Variants in PHF14 observed in about 807,000 individuals in gnomAD.
PHF14 encodes the protein PHD finger protein 14.
In PHF14, 55 loss-of-function variants were observed where a neutral mutation model predicts 117.9. The observed-to-expected ratio is 0.47, with a 90% confidence interval of 0.38 to 0.58. The LOEUF is 0.58. Ranked by LOEUF, PHF14 falls within the 20% of genes least tolerant of loss-of-function variation. PHF14 has a pLI of 0.00. For missense variants in PHF14, 978 were observed against 1,122.2 expected (o/e 0.87, Z 1.84); for synonymous variants, 409 against 368.6 (o/e 1.11, Z -1.26).
At chr7:11,082,016 A>T (rs764443412) in intron 16 of PHF14, among the ~76,000 whole-genome samples, 2 of 152,116 alleles carry the variant, frequency 1.3e-5, no homozygotes, top group Non-Finnish European at 2.9e-5. Context: ...GAATTCTAAC[A>T]GAAGACTCTG....
chr7:11,137,676 C>G (rs953267400), intron 17 of PHF14, among the ~76,000 whole-genome samples: 1 of 148,288 alleles, frequency 6.7e-6, no homozygotes, highest in Non-Finnish European at 1.5e-5. Flanking sequence ...GCTCCCTGTA[C>G]CCAGGTTCAA....
At chr7:11,103,224 T>TTTAA in intron 16 of PHF14, 1 of 936,204 alleles carries the variant, frequency 1.1e-6, no homozygotes, top group Non-Finnish European at 1.3e-6. Context: ...TACTTCAGAT[T>TTTAA]TTAAGCTCAT....
intron 4 of PHF14, among the ~76,000 whole-genome samples, chr7:10,993,321 A>G (rs1782526320): frequency 6.6e-6 from 1 of 151,984 alleles, no homozygotes; most frequent in Non-Finnish European, 1.5e-5. Flanking sequence ...CCCTTGTCCC[A>G]AGTAATTCTG....
At chr7:11,042,201 T>C (rs1274414127) in intron 12 of PHF14, among the ~76,000 whole-genome samples, 1 of 152,000 alleles carries the variant, frequency 6.6e-6, no homozygotes, top group East Asian at 1.9e-4. Context: ...ACTTGCAGTA[T>C]ATCTACATGT....
At chr7:11,163,054 C>G (rs1321574345) in intron 17 of PHF14, among the ~76,000 whole-genome samples, 2 of 152,072 alleles carry the variant, frequency 1.3e-5, no homozygotes, top group African/African-American at 4.8e-5. Context: ...AAAATATTTA[C>G]TATTAATAAA....
intron 2 of PHF14, among the ~76,000 whole-genome samples, chr7:10,981,576 TTTA>T (rs1782044689): frequency 6.6e-6 from 1 of 152,196 alleles, no homozygotes; most frequent in African/African-American, 2.4e-5. Context: ...AGCCTAACTT[TTTA>T]GTAACCTCTG....
intron 13 of PHF14, among the ~76,000 whole-genome samples, chr7:11,043,753 TATG>T (rs1224623530): frequency 2.0e-5 from 3 of 152,164 alleles, no homozygotes; most frequent in Non-Finnish European, 4.4e-5. Flanking sequence ...ATGTATTTAT[TATG>T]GTTTTTATGT....
chr7:11,168,894 C>A (rs2068180420), intron 17 of PHF14, among the ~76,000 whole-genome samples: 2 of 152,030 alleles, frequency 1.3e-5, no homozygotes, highest in African/African-American at 4.8e-5. Flanking sequence ...ATGAGGCCAC[C>A]ACTTAGAATT....
intron 16 of PHF14, among the ~76,000 whole-genome samples, chr7:11,084,501 T>G (rs541223176): frequency 1.3e-5 from 2 of 152,010 alleles, no homozygotes; most frequent in Non-Finnish European, 2.9e-5. Context: ...TTGTGTTTTT[T>G]TTTTTTTTTA....
At chr7:10,983,213 C>T in intron 3 of PHF14, 54 bp downstream of exon 3, 1 of 1,532,344 alleles carries the variant, frequency 6.5e-7, no homozygotes, top group Non-Finnish European at 8.7e-7. Context: ...GAATTCTTCT[C>T]TAAATCACTC....
intron 4 of PHF14, among the ~76,000 whole-genome samples, chr7:10,996,974 G>A (rs73063416): frequency 0.012 from 1,893 of 152,280 alleles, 26 homozygotes; most frequent in Non-Finnish European, 0.02. Flanking sequence ...TATCACCAAT[G>A]GGTGGCCAAA....
chr7:10,978,283 T>C (rs1471399585), intron 2 of PHF14, among the ~76,000 whole-genome samples: 1 of 152,150 alleles, frequency 6.6e-6, no homozygotes, highest in Non-Finnish European at 1.5e-5. Context: ...TAAAATAACA[T>C]GTAAGTAAAA....
At chr7:11,156,903 G>T (rs1247046738) in intron 17 of PHF14, among the ~76,000 whole-genome samples, 1 of 152,158 alleles carries the variant, frequency 6.6e-6, no homozygotes, top group African/African-American at 2.4e-5. Context: ...AAGTTACATT[G>T]AGCAGTATTT....
intron 16 of PHF14, among the ~76,000 whole-genome samples, chr7:11,082,387 A>G (rs79965218): frequency 1.2e-3 from 188 of 152,326 alleles, no homozygotes; most frequent in African/African-American, 4.2e-3. Flanking sequence ...TAATAAAACC[A>G]TTATGGAAAG....
chr7:11,151,538 G>T (rs961145468), intron 17 of PHF14, among the ~76,000 whole-genome samples: 4 of 152,114 alleles, frequency 2.6e-5, no homozygotes, highest in African/African-American at 9.7e-5. Flanking sequence ...CAGCCTGGGC[G>T]ACAGCAAGAC....
intron 17 of PHF14, among the ~76,000 whole-genome samples, chr7:11,115,053 G>C (rs544990639): frequency 6.6e-6 from 1 of 151,630 alleles, no homozygotes; most frequent in Admixed American, 6.6e-5. Context: ...TCTTCCATCC[G>C]TTCACCCAAG....
At chr7:11,101,962 C>T (rs765266596) in intron 16 of PHF14, among the ~76,000 whole-genome samples, 13 of 151,700 alleles carry the variant, frequency 8.6e-5, no homozygotes, top group Admixed American at 3.3e-4. Flanking sequence ...AAAAGAAAGT[C>T]AGCTTAGGCA....
intron 13 of PHF14, among the ~76,000 whole-genome samples, chr7:11,046,976 GATTT>G (rs1784686845): frequency 6.6e-6 from 1 of 151,792 alleles, no homozygotes; most frequent in South Asian, 2.1e-4. Context: ...AATGTTACTG[GATTT>G]ATTTATTGCA....
At chr7:11,114,599 A>G (rs918975779) in intron 17 of PHF14, among the ~76,000 whole-genome samples, 1 of 152,132 alleles carries the variant, frequency 6.6e-6, no homozygotes, top group Non-Finnish European at 1.5e-5. Flanking sequence ...ACCATTTATT[A>G]TACCCATACC....
Sources: gnomAD v4.1 joint callset for allele counts (sites outside exome capture counted in the v4.1 genomes callset) on GRCh38, gnomAD v4.1.1 for gene constraint, MANE v1.5 for transcripts, NCBI Gene and HGNC (gene_info 2026-07-23, HGNC 2026-07-21) for gene names.